LZTS1: variants seen among roughly 807,000 people sequenced by gnomAD.
The protein encoded by LZTS1 is leucine zipper tumor suppressor 1, also known as leucine zipper putative tumor suppressor 1.
LZTS1 carries 31 observed loss-of-function variants against 45.8 expected under a neutral mutation model. The observed-to-expected ratio is 0.68, with a 90% CI of 0.51 to 0.91. LZTS1 has a LOEUF of 0.91. LZTS1 is among the 40% of genes least tolerant of loss of function. The pLI, the probability that LZTS1 is intolerant of heterozygous loss-of-function variation, is 0.00. For synonymous variants in LZTS1, 359 were observed against 357.3 expected, an observed-to-expected ratio of 1.00 and a Z score of -0.05; for missense variants, 821 against 788.9, an observed-to-expected ratio of 1.04 and a Z score of -0.49.
At chr8:20,251,639 A>G (rs1341748258) in intron 3 of LZTS1, among the ~76,000 whole-genome samples, 1 of 151,584 alleles carries the variant, frequency 6.6e-6, no homozygotes, top group East Asian at 1.9e-4. Context: ...GATGGGGGAT[A>G]GGGGTGGAAA....
chr8:20,268,363 G>T (rs1800404348), intron 1 of LZTS1, among the ~76,000 whole-genome samples: 1 of 151,898 alleles, frequency 6.6e-6, no homozygotes, highest in South Asian at 2.1e-4. Flanking sequence ...TGGGGCACGT[G>T]CCCAGGGCTA....
chr8:20,296,223 TG>T (rs958053448), intron 1 of LZTS1, among the ~76,000 whole-genome samples: 19 of 152,364 alleles, frequency 1.2e-4, no homozygotes, highest in African/African-American at 4.6e-4. Context: ...CCTGCCCTGA[TG>T]CCTTGGGCGG....
intron 1 of LZTS1, among the ~76,000 whole-genome samples, chr8:20,267,985 C>G (rs1162852981): frequency 1.3e-5 from 2 of 152,198 alleles, no homozygotes; most frequent in African/African-American, 4.8e-5. Flanking sequence ...CGGCCACTGT[C>G]AGGATTAAAT....
At chr8:20,259,081 G>A (rs1327301411) in intron 1 of LZTS1, among the ~76,000 whole-genome samples, 2 of 152,060 alleles carry the variant, frequency 1.3e-5, no homozygotes, top group Admixed American at 6.5e-5. Context: ...CGTGCTCTGC[G>A]CAATATGCTC....
intron 1 of LZTS1, among the ~76,000 whole-genome samples, chr8:20,283,520 C>G (rs1054580269): frequency 1.3e-5 from 2 of 152,108 alleles, no homozygotes; most frequent in African/African-American, 4.8e-5. Context: ...TTTATAGCCG[C>G]CCGAACAGAC....
intron 3 of LZTS1, 85 bp from the exon 4 acceptor site, chr8:20,250,448 A>C: frequency 1.5e-6 from 2 of 1,373,056 alleles, no homozygotes; most frequent in Non-Finnish European, 1.9e-6. Flanking sequence ...TAAAATAACC[A>C]AGCCACTCCG....
intron 1 of LZTS1, among the ~76,000 whole-genome samples, chr8:20,300,235 T>C (rs1801051310): frequency 6.6e-6 from 1 of 152,216 alleles, no homozygotes; most frequent in East Asian, 1.9e-4. Context: ...CAGTGCTCCC[T>C]GCCAAAGGTC....
chr8:20,298,446 AAAT>A (rs1038779652), intron 1 of LZTS1, among the ~76,000 whole-genome samples: 2 of 152,154 alleles, frequency 1.3e-5, no homozygotes, highest in African/African-American at 4.8e-5. Context: ...TGTGAGGTGT[AAAT>A]AATAATAATA....
At chr8:20,287,037 C>T (rs1000842921) in intron 1 of LZTS1, among the ~76,000 whole-genome samples, 34 of 140,358 alleles carry the variant, frequency 2.4e-4, no homozygotes, top group African/African-American at 1.0e-3. Context: ...TAGTTGTTCA[C>T]CTATGGTTTG....
At chr8:20,262,812 T>C (rs1800264510) in intron 1 of LZTS1, among the ~76,000 whole-genome samples, 1 of 152,162 alleles carries the variant, frequency 6.6e-6, no homozygotes, top group African/African-American at 2.4e-5. Flanking sequence ...AAGAATGATT[T>C]CACCCAAAAT....
Position 20,253,146 on chromosome 8 carries a change from C to T in LZTS1, c.785G>A (p.Ser262Asn), listed in dbSNP as rs771150481. 6.2e-7 allele frequency: 1 copy of T among 1,613,190 alleles called. No individual in the cohort carries two copies. Among genetic ancestry groups the T allele is most frequent in the Non-Finnish European group, 8.5e-7 (1 of 1,180,006 alleles). The change falls in exon 3 of 4, where the codon AGC (serine) becomes AAC (asparagine). Residue 262 changes from serine (S) to asparagine (N), a missense_variant. Physicochemically the swap from Ser to Asn is conservative, Grantham distance 46. Transcript: ENST00000381569. ...CAGCTTCTGCTCCAGCTCCTGGATGCTGCACTCGTCCGTGGAGATGGGGGA... is the reference window on the plus strand; with the variant it reads ...CAGCTTCTGCTCCAGCTCCTGGATGTTGCACTCGTCCGTGGAGATGGGGGA... ...VRSPISTDEC[S>N]IQELEQKLLE...
chr8:20,297,449 T>C (rs1416714337), intron 1 of LZTS1, among the ~76,000 whole-genome samples: 4 of 152,166 alleles, frequency 2.6e-5, no homozygotes, highest in Admixed American at 6.6e-5. Flanking sequence ...GAGTCTCGCT[T>C]TTTAGCCTAG....
intron 1 of LZTS1, among the ~76,000 whole-genome samples, chr8:20,286,229 C>T (rs994191930): frequency 3.9e-5 from 6 of 152,152 alleles, no homozygotes; most frequent in African/African-American, 7.2e-5. Context: ...GAGATATCTA[C>T]AATACACACA....
Position 20,246,353 on chromosome 8 carries a change from C to A in LZTS1, c.*3369G>T, listed in dbSNP as rs537100977. 6.6e-6 allele frequency: 1 copy of A among 152,424 alleles called. No homozygotes were observed. The highest frequency in any genetic ancestry group is 1.9e-4 in the East Asian group (1 of 5,184). 9.4% of individuals were successfully genotyped at this position (152,424 alleles called of 1,614,324 possible). A position where few individuals can be genotyped will look rare whatever the true frequency, so the allele number is the denominator to read the frequency against. On this transcript the variant is annotated 3_prime_UTR_variant, in exon 4 of 4. Transcript: ENST00000381569. Reference sequence around the variant, plus strand: ...CCAGATGCTGGTCCGTCCCAGCCTGCCTCTGCTGGGGGCTCCAGCTCTGCC... The same window carrying A: ...CCAGATGCTGGTCCGTCCCAGCCTGACTCTGCTGGGGGCTCCAGCTCTGCC...
At chr8:20,256,287 C>T (rs1800098799) in intron 1 of LZTS1, among the ~76,000 whole-genome samples, 1 of 152,032 alleles carries the variant, frequency 6.6e-6, no homozygotes, top group East Asian at 1.9e-4. Flanking sequence ...CAGCAGACAT[C>T]AGAGAACAAG....
chr8:20,302,358 C>G (rs1260651105), intron 1 of LZTS1, among the ~76,000 whole-genome samples: 1 of 152,186 alleles, frequency 6.6e-6, no homozygotes, highest in Admixed American at 6.5e-5. Flanking sequence ...ACACAAACAC[C>G]TTTCCCGTCT....
chr8:20,277,038 C>T (rs1237215438), intron 1 of LZTS1, among the ~76,000 whole-genome samples: 1 of 152,172 alleles, frequency 6.6e-6, no homozygotes, highest in Non-Finnish European at 1.5e-5. Context: ...GAAGTTAAGG[C>T]ATTCTAAGTC....
intron 1 of LZTS1, among the ~76,000 whole-genome samples, chr8:20,285,101 G>A (rs1432148014): frequency 1.3e-5 from 2 of 152,190 alleles, no homozygotes; most frequent in Non-Finnish European, 2.9e-5. Flanking sequence ...GACGCAAAGG[G>A]CTTTACAAAC....
chr8:20,294,280 G>T (rs1181856828), intron 1 of LZTS1, among the ~76,000 whole-genome samples: 3 of 152,234 alleles, frequency 2.0e-5, no homozygotes, highest in Non-Finnish European at 4.4e-5. Flanking sequence ...GCCCAGAGAA[G>T]CCAAATGCCT....
Sources: allele counts gnomAD v4.1 joint callset (sites outside exome capture counted in the v4.1 genomes callset), GRCh38; gene constraint gnomAD v4.1.1; transcripts MANE v1.5; gene names NCBI Gene and HGNC (gene_info 2026-07-23, HGNC 2026-07-21).